The following ACVR1C variants were observed in gnomAD, a reference collection of about 807,000 sequenced individuals.
The protein encoded by ACVR1C is activin A receptor type 1C.
In ACVR1C, 23 loss-of-function variants were observed where a neutral mutation model predicts 57.9. The observed-to-expected ratio is 0.40, with a 90% CI of 0.29 to 0.56. The LOEUF (loss-of-function observed/expected upper bound fraction) is 0.56. Ranked by LOEUF, ACVR1C falls within the 20% of genes least tolerant of loss-of-function variation. The probability of loss-of-function intolerance (pLI) is 0.50; values close to 1 mark genes in which losing one functional copy is unlikely to be tolerated. For synonymous variants in ACVR1C, 214 were observed against 215.3 expected (o/e 0.99, Z 0.05); for missense variants, 480 against 607.9 (o/e 0.79, Z 2.21).
chr2:157,560,417 G>A (rs1688207956), intron 2 of ACVR1C, among the ~76,000 whole-genome samples: 2 of 152,200 alleles, frequency 1.3e-5, no homozygotes, highest in Admixed American at 1.3e-4. Context: ...AATCCTGAGT[G>A]GTAAACGGGG....
chr2:157,554,267 G>GAAAGAAAC, intron 3 of ACVR1C, among the ~76,000 whole-genome samples: 1 of 131,798 alleles, frequency 7.6e-6, no homozygotes, highest in Non-Finnish European at 1.6e-5. Context: ...AAGAAAGAAA[G>GAAAGAAAC]AAAGGAAGGA....
chr2:157,599,233 C>G (rs1176675767), intron 1 of ACVR1C, among the ~76,000 whole-genome samples: 3 of 135,750 alleles, frequency 2.2e-5, no homozygotes, highest in African/African-American at 8.4e-5. Context: ...ACTCTGGAGG[C>G]TGAGGCAGGA....
chr2:157,593,804 A>AAAAG, intron 1 of ACVR1C, among the ~76,000 whole-genome samples: 1 of 152,292 alleles, frequency 6.6e-6, no homozygotes, highest in East Asian at 1.9e-4. Context: ...AAAAACAGAA[A>AAAAG]AAAGAAAGAA....
chr2:157,543,906 T>G (rs939292088), intron 5 of ACVR1C, among the ~76,000 whole-genome samples: 1 of 152,092 alleles, frequency 6.6e-6, no homozygotes, highest in Non-Finnish European at 1.5e-5. Context: ...ATGGCAAAGA[T>G]AGAACCACTA....
In ACVR1C at chr2:157,530,668, A is replaced by G. The variant is rs1177732048; in HGVS notation, c.*3250T>C. The stretch of plus-strand genomic sequence containing the variant: ...TTTCATACAATCATGGAAATTTAAA[A>G]TGCAAAGTTAATTGAAAGTATAAAG... On this transcript the variant is annotated 3_prime_UTR_variant, in exon 9 of 9. Transcript: ENST00000243349. 6.6e-6 allele frequency: 1 copy of G among 152,112 alleles called. No individual in the cohort carries two copies. The highest frequency in any genetic ancestry group is 1.5e-5 in the Non-Finnish European group (1 of 68,000). 9.4% of individuals were successfully genotyped at this position (152,112 alleles called of 1,614,324 possible).
At chr2:157,555,181 C>G (rs1314603306) in intron 3 of ACVR1C, among the ~76,000 whole-genome samples, 9 of 132,034 alleles carry the variant, frequency 6.8e-5, no homozygotes, top group South Asian at 2.4e-4. Context: ...TGCAGTGGCG[C>G]AATCTCGGCT....
At chr2:157,608,182 T>C (rs1682449752) in intron 1 of ACVR1C, among the ~76,000 whole-genome samples, 1 of 151,942 alleles carries the variant, frequency 6.6e-6, no homozygotes, top group Non-Finnish European at 1.5e-5. Context: ...TATTGAGAGT[T>C]TTTCGTCAAA....
At chr2:157,540,482 G>C (rs1381201425) in intron 7 of ACVR1C, among the ~76,000 whole-genome samples, 1 of 151,864 alleles carries the variant, frequency 6.6e-6, no homozygotes, top group Non-Finnish European at 1.5e-5. Flanking sequence ...ATTTTTAGTA[G>C]AGACAGGTTT....
At chr2:157,622,712 T>A (rs74980301) in intron 1 of ACVR1C, among the ~76,000 whole-genome samples, 2 of 152,104 alleles carry the variant, frequency 1.3e-5, no homozygotes, top group African/African-American at 4.8e-5. Flanking sequence ...ATTTCCTGAG[T>A]AATAGCCCAC....
At chr2:157,545,080 GTTATTCA>G (rs1687718999) in intron 4 of ACVR1C, among the ~76,000 whole-genome samples, 1 of 152,142 alleles carries the variant, frequency 6.6e-6, no homozygotes, top group Admixed American at 6.5e-5. Flanking sequence ...AAATGTTGAT[GTTATTCA>G]CCTTTCAAAA....
At chr2:157,565,954 T>C (rs1385350061) in intron 2 of ACVR1C, among the ~76,000 whole-genome samples, 1 of 152,172 alleles carries the variant, frequency 6.6e-6, no homozygotes. Context: ...ATCGCTGTCA[T>C]AAAAAGTATA....
intron 1 of ACVR1C, among the ~76,000 whole-genome samples, chr2:157,602,494 A>G (rs1377037254): frequency 6.6e-6 from 1 of 152,214 alleles, no homozygotes; most frequent in East Asian, 1.9e-4. Context: ...TAGATGTACA[A>G]TCTGAAACGT....
chr2:157,551,818 C>T (rs1390751271), intron 3 of ACVR1C, among the ~76,000 whole-genome samples: 1 of 152,210 alleles, frequency 6.6e-6, no homozygotes, highest in Non-Finnish European at 1.5e-5. Flanking sequence ...GCACCTAAAA[C>T]TAGTCACTGT....
chr2:157,538,836 A>G (rs1321858202), intron 7 of ACVR1C, 133 bp from the exon 8 acceptor site: 3 of 585,698 alleles, frequency 5.1e-6, no homozygotes, highest in Non-Finnish European at 7.6e-6. Context: ...TATTAAAATA[A>G]TGTGTCACTA....
chr2:157,580,924 G>T (rs560437398), intron 2 of ACVR1C, among the ~76,000 whole-genome samples: 1 of 152,272 alleles, frequency 6.6e-6, no homozygotes, highest in Non-Finnish European at 1.5e-5. Context: ...GTATATGCTT[G>T]TGTGTCTCAA....
At chr2:157,614,623 G>A (rs920751722) in intron 1 of ACVR1C, among the ~76,000 whole-genome samples, 1 of 152,148 alleles carries the variant, frequency 6.6e-6, no homozygotes, top group African/African-American at 2.4e-5. Flanking sequence ...AATTAAAGAT[G>A]TGTCTATTTC....
intron 1 of ACVR1C, among the ~76,000 whole-genome samples, chr2:157,620,364 T>G (rs922613244): frequency 5.9e-5 from 9 of 151,990 alleles, no homozygotes; most frequent in African/African-American, 2.2e-4. Flanking sequence ...AGAATAGAAT[T>G]TTTACTCTTG....
At position 157,533,831 on chromosome 2, in the gene ACVR1C, CA is replaced by C. The variant is rs572091635; in HGVS notation, c.*86del. 16,669 of 1,118,868 alleles carry C rather than the reference CA, an allele frequency of 0.015. 15 individuals are homozygous for C. Among genetic ancestry groups the C allele is most frequent in the Middle Eastern group, 0.031 (112 of 3,628 alleles). The allele number at this position is 1,118,868 out of a possible 1,614,324, so 69.3% of individuals were successfully genotyped here. A position where few individuals can be genotyped will look rare whatever the true frequency, so the allele number is the denominator to read the frequency against. ...GTACTGTCTTATCTTTGAGGTAGAA[CA>C]AAAAAAAAATGGCAAAAACATTCAC... On this transcript the variant is annotated 3_prime_UTR_variant, in exon 9 of 9. Transcript: ENST00000243349.
At position 157,531,957 on chromosome 2, in the gene ACVR1C, AG is replaced by A. The variant is rs1326887107; in HGVS notation, c.*1960del. ...ATTAGACTTTAAAATCCCTGAGGGC[AG>A]GACCTATCTATCTTTGTATTCCCTC... On this transcript the variant is annotated 3_prime_UTR_variant, in exon 9 of 9. Coordinates refer to ENST00000243349, the MANE Select transcript of ACVR1C (RefSeq NM_145259.3). 6.6e-6 allele frequency: 1 copy of A among 152,156 alleles called. No individual in the cohort carries two copies. Among genetic ancestry groups the A allele is most frequent in the Admixed American group, 6.6e-5 (1 of 15,250 alleles). 9.4% of individuals were successfully genotyped at this position (152,156 alleles called of 1,614,324 possible).
Sources: gnomAD v4.1 joint callset for allele counts (sites outside exome capture counted in the v4.1 genomes callset) on GRCh38, gnomAD v4.1.1 for gene constraint, MANE v1.5 for transcripts, NCBI Gene and HGNC (gene_info 2026-07-23, HGNC 2026-07-21) for gene names.